FAM81A: variants seen among roughly 807,000 people sequenced by gnomAD.
FAM81A encodes family with sequence similarity 81 member A.
Under a neutral mutation model 46.7 loss-of-function variants are expected in FAM81A, and 19 were observed. The observed-to-expected ratio is 0.41, with a 90% CI of 0.28 to 0.60. The LOEUF (loss-of-function observed/expected upper bound fraction) is 0.60, where lower values mean the gene tolerates loss of function less well. Among genes scored for constraint, FAM81A ranks in the 20% least tolerant of loss-of-function variants. FAM81A has a pLI of 0.34. For synonymous variants in FAM81A, 183 were observed against 152.9 expected (o/e 1.20, Z -1.45); for missense variants, 377 against 453.5 (o/e 0.83, Z 1.53).
intron 8 of FAM81A, among the ~76,000 whole-genome samples, chr15:59,518,947 G>A (rs966108658): frequency 7.7e-6 from 1 of 130,068 alleles, no homozygotes; most frequent in African/African-American, 2.8e-5. Flanking sequence ...GTGTGTCTGT[G>A]TGTGTGTGTG....
Position 59,415,987 on chromosome 15 carries a change from T to C in FAM81A, c.-78+13629T>C, listed in dbSNP as rs568117082. Reference sequence around the variant, plus strand: ...CACAGCCAGGTACAATCCCTGAACATACTGTAGGGCTGCTCTTCTAAAACA... The same window carrying C: ...CACAGCCAGGTACAATCCCTGAACACACTGTAGGGCTGCTCTTCTAAAACA... On this transcript the variant is annotated intron_variant, in intron 2 of 4. Coordinates refer to the FAM81A transcript ENST00000558348. Among the ~76,000 whole-genome samples the C allele has an allele frequency of 6.9e-4, 105 of 152,308 alleles. 1 individual carries two copies. The highest frequency in any genetic ancestry group is 5.6e-3 in the South Asian group (27 of 4,828).
intron 8 of FAM81A, among the ~76,000 whole-genome samples, chr15:59,518,943 CTGTGTGTGTGTG>C (rs34494392): frequency 1.0e-4 from 15 of 143,058 alleles, no homozygotes; most frequent in Non-Finnish European, 1.7e-4. Context: ...GTGTGTGTGT[CTGTGTGTGTGTG>C]TGTGTGTGTG....
intron 4 of FAM81A, among the ~76,000 whole-genome samples, chr15:59,495,865 T>C (rs1003976994): frequency 6.6e-5 from 10 of 152,172 alleles, no homozygotes; most frequent in African/African-American, 2.2e-4. Flanking sequence ...AATTGGGTAA[T>C]TGTCTTTCTA....
Position 59,521,477 on chromosome 15 carries a change from T to A in FAM81A, c.*99T>A. On this transcript the variant is annotated 3_prime_UTR_variant, in exon 9 of 9. Transcript: ENST00000288228. ...CATCGCTGCATTCAGGATTGTTCCA[T>A]CCATGGCGTGCATGTGCCAAGAAAT... 1 of 1,383,394 alleles carries A rather than the reference T, an allele frequency of 7.2e-7. No homozygotes were observed. Among genetic ancestry groups the A allele is most frequent in the Non-Finnish European group, 9.6e-7 (1 of 1,046,984 alleles). 85.7% of individuals were successfully genotyped at this position (1,383,394 alleles called of 1,614,324 possible). A position where few individuals can be genotyped will look rare whatever the true frequency, so the allele number is the denominator to read the frequency against.
chr15:59,496,334 C>T (rs1230125223), intron 4 of FAM81A, among the ~76,000 whole-genome samples: 3 of 152,168 alleles, frequency 2.0e-5, no homozygotes, highest in Non-Finnish European at 2.9e-5. Flanking sequence ...CGGCCGGGAG[C>T]GGTGGCTCAC....
upstream of FAM81A, among the ~76,000 whole-genome samples, chr15:59,433,212 C>T (rs1231484751): frequency 1.7e-5 from 1 of 58,002 alleles, no homozygotes; most frequent in Non-Finnish European, 4.5e-5. Context: ...AATCCCAGCA[C>T]TTTGGGAGGC....
intron 5 of FAM81A, 50 bp downstream of exon 5, chr15:59,507,392 T>C (rs752242014): frequency 6.3e-7 from 1 of 1,589,144 alleles, no homozygotes; most frequent in South Asian, 1.1e-5. Context: ...TGTTCTTAGC[T>C]AAGAATAACA....
At chr15:59,470,099 CTT>C (rs1336747331) in intron 3 of FAM81A, among the ~76,000 whole-genome samples, 1 of 152,140 alleles carries the variant, frequency 6.6e-6, no homozygotes, top group Non-Finnish European at 1.5e-5. Context: ...ATGGACTTAC[CTT>C]TATGGGTAAC....
Position 59,521,756 on chromosome 15 carries a change from A to G in FAM81A, c.*378A>G, listed in dbSNP as rs1301839832. The G allele has an allele frequency of 1.3e-5, 2 of 156,954 alleles. No homozygotes were observed. Among genetic ancestry groups the G allele is most frequent in the African/African-American group, 4.8e-5 (2 of 41,656 alleles). 9.7% of individuals were successfully genotyped at this position (156,954 alleles called of 1,614,324 possible). ...ATGGGGATTTTTTTTTAATTAAGAA[A>G]CTAATGAATCATCACAGGAATGTGT... On this transcript the variant is annotated 3_prime_UTR_variant, in exon 9 of 9. Transcript: ENST00000288228.
chr15:59,480,341 T>C (rs1406825457), intron 3 of FAM81A, among the ~76,000 whole-genome samples: 10 of 152,180 alleles, frequency 6.6e-5, no homozygotes, highest in African/African-American at 2.4e-4. Context: ...AGCTGTTTCT[T>C]TCCTGGTTCC....
chr15:59,447,626 A>G (rs751773621), intron 1 of FAM81A, among the ~76,000 whole-genome samples: 3 of 152,202 alleles, frequency 2.0e-5, no homozygotes, highest in South Asian at 2.1e-4. Context: ...GGCCTTGTCA[A>G]TCTAGATACA....
chr15:59,439,658 G>T (rs1368377792), intron 1 of FAM81A, among the ~76,000 whole-genome samples: 1 of 150,108 alleles, frequency 6.7e-6, no homozygotes, highest in Non-Finnish European at 1.5e-5. Context: ...AGTTTCCAAT[G>T]CTAATGAATA....
At chr15:59,434,964 A>G (rs1285068415), upstream of FAM81A, among the ~76,000 whole-genome samples, 1 of 152,182 alleles carries the variant, frequency 6.6e-6, no homozygotes, top group African/African-American at 2.4e-5. Context: ...AGACAAAAGT[A>G]GAACCAGAGC....
intron 1 of FAM81A, among the ~76,000 whole-genome samples, chr15:59,398,771 A>AAG (rs2081057931): frequency 6.7e-6 from 1 of 148,240 alleles, no homozygotes; most frequent in African/African-American, 2.5e-5. Context: ...AAAAAAAAAA[A>AAG]AAAAAAAAAA....
intron 5 of FAM81A, 59 bp downstream of exon 5, chr15:59,507,401 CATG>C: frequency 6.4e-7 from 1 of 1,574,302 alleles, no homozygotes; most frequent in Non-Finnish European, 8.6e-7. Flanking sequence ...CTAAGAATAA[CATG>C]GTGTTGATTA....
In FAM81A at chr15:59,460,460, T is replaced by C; in HGVS notation, c.294+254T>C. On this transcript the variant is annotated intron_variant, in intron 3 of 8. Coordinates refer to ENST00000288228, the MANE Select transcript of FAM81A (RefSeq NM_152450.3). This position sits in a 1 kb window ranked among gnomAD's most constrained non-coding sequence, Gnocchi z 4.4. ...ATTTACCTTGCTGATTATTAAATGA[T>C]TTTATTTTGTTTGGCTCTTAATGAA... 1 of 551,646 alleles carries C rather than the reference T, an allele frequency of 1.8e-6. No individual in the cohort carries two copies. Among genetic ancestry groups the C allele is most frequent in the South Asian group, 1.9e-5 (1 of 51,372 alleles). The allele number at this position is 551,646 out of a possible 1,614,324, so 34.2% of individuals were successfully genotyped here.
At chr15:59,505,371 G>C (rs996473871) in intron 4 of FAM81A, among the ~76,000 whole-genome samples, 28 of 152,152 alleles carry the variant, frequency 1.8e-4, no homozygotes, top group Admixed American at 1.2e-3. Context: ...AATTAGCCAG[G>C]CATGGTGATG....
Position 59,424,888 on chromosome 15 carries a change from G to A in FAM81A, c.-78+22530G>A, listed in dbSNP as rs4533211. Among the ~76,000 whole-genome samples, 51 of 151,908 alleles carry A rather than the reference G, an allele frequency of 3.4e-4. 1 individual carries two copies. Among genetic ancestry groups the A allele is most frequent in the African/African-American group, 1.1e-3 (46 of 41,360 alleles). The stretch of plus-strand genomic sequence containing the variant: ...TCCTTCTCTTATGCCCTCGTAATTC[G>A]TTCTCAAAACAGCCACCAGAGTAAA... On this transcript the variant is annotated intron_variant, in intron 2 of 4. Transcript: ENST00000558348.
chr15:59,500,812 C>T (rs1220405223), intron 4 of FAM81A, among the ~76,000 whole-genome samples: 4 of 151,838 alleles, frequency 2.6e-5, no homozygotes, highest in Non-Finnish European at 4.4e-5. Flanking sequence ...ATTTTTTGTT[C>T]CAGTATTTCC....
Sources: gnomAD v4.1 joint callset for allele counts (sites outside exome capture counted in the v4.1 genomes callset) on GRCh38, gnomAD v4.1.1 for gene constraint, Gnocchi (gnomAD v3.1) non-coding constraint, MANE v1.5 for transcripts, NCBI Gene and HGNC (gene_info 2026-07-23, HGNC 2026-07-21) for gene names.